The following SLIT3 variants were observed in gnomAD, a reference collection of about 807,000 sequenced individuals.
SLIT3 encodes the protein slit guidance ligand 3.
SLIT3 carries 68 observed loss-of-function variants against 184.0 expected under a neutral mutation model. The observed-to-expected ratio is 0.37, with a 90% confidence interval of 0.30 to 0.45. The LOEUF is 0.45. SLIT3 is among the 20% of genes least tolerant of loss of function. SLIT3 has a pLI of 1.00. For missense variants in SLIT3, 1,707 were observed against 2,026.0 expected (o/e 0.84, Z 3.02); for synonymous variants, 831 against 828.6 (o/e 1.00, Z -0.05).
intron 4 of SLIT3, among the ~76,000 whole-genome samples, chr5:169,179,246 T>C (rs1399274342): frequency 2.0e-5 from 3 of 150,938 alleles, no homozygotes; most frequent in Admixed American, 6.6e-5. Flanking sequence ...AGGTCAATGT[T>C]CAATAAATTA....
At chr5:168,686,854 TCA>T in intron 30 of SLIT3, 123 bp downstream of exon 30, 2 of 1,087,338 alleles carry the variant, frequency 1.8e-6, no homozygotes, top group Non-Finnish European at 1.4e-6. Flanking sequence ...AATAAAGGCA[TCA>T]CCCAGAACCG....
intron 32 of SLIT3, among the ~76,000 whole-genome samples, 155 bp downstream of exon 32, chr5:168,683,811 G>A (rs939020767): frequency 2.0e-5 from 3 of 152,090 alleles, no homozygotes; most frequent in African/African-American, 7.2e-5. Context: ...CTCACCACTC[G>A]GTGAGGAGGA....
chr5:168,931,096 G>T (rs1458158565), intron 4 of SLIT3, among the ~76,000 whole-genome samples: 1 of 152,130 alleles, frequency 6.6e-6, no homozygotes. Flanking sequence ...AAACTCGGGG[G>T]ACTCTCTCTA....
chr5:168,695,596 G>C (rs979440845), intron 28 of SLIT3, among the ~76,000 whole-genome samples: 13 of 152,186 alleles, frequency 8.5e-5, no homozygotes, highest in African/African-American at 2.9e-4. Flanking sequence ...ACCAAAATTG[G>C]TAGCATTTTG....
chr5:169,075,766 G>T (rs1758714396), intron 4 of SLIT3, among the ~76,000 whole-genome samples: 1 of 152,172 alleles, frequency 6.6e-6, no homozygotes, highest in African/African-American at 2.4e-5. Context: ...ACATGATCTG[G>T]CTCTTCTGTG....
At chr5:168,878,304 C>A (rs1759813751) in intron 5 of SLIT3, among the ~76,000 whole-genome samples, 1 of 152,194 alleles carries the variant, frequency 6.6e-6, no homozygotes, top group Non-Finnish European at 1.5e-5. Context: ...AAGCAGGAAG[C>A]AATTAGGGAC....
intron 16 of SLIT3, among the ~76,000 whole-genome samples, chr5:168,755,051 T>C (rs1181442194): frequency 6.6e-6 from 1 of 152,216 alleles, no homozygotes; most frequent in African/African-American, 2.4e-5. Flanking sequence ...GTTGACCACT[T>C]CTTATGTGCT....
At chr5:169,231,911 T>C (rs1020688206) in intron 3 of SLIT3, among the ~76,000 whole-genome samples, 2 of 152,232 alleles carry the variant, frequency 1.3e-5, no homozygotes, top group African/African-American at 4.8e-5. Flanking sequence ...TAAAGACTAA[T>C]GACACACTAA....
rs537091302 is a variant in SLIT3 at position 169,029,724 on chromosome 5, A to G, written c.414-146388T>C. Among the ~76,000 whole-genome samples, 10 of 152,338 alleles carry G rather than the reference A, an allele frequency of 6.6e-5. No individual in the cohort carries two copies. In the South Asian group the frequency reaches 2.1e-3, roughly 32 times the overall value. ...AATTTCAAGGCCTTTCATCTCAGTT[A>G]CAATGACACATTCATTTTAGCATTG... On this transcript the variant is annotated intron_variant, in intron 4 of 35. Transcript: ENST00000519560.
At chr5:168,718,729 C>T (rs958400555) in intron 23 of SLIT3, among the ~76,000 whole-genome samples, 1 of 130,652 alleles carries the variant, frequency 7.7e-6, no homozygotes, top group African/African-American at 3.1e-5. Context: ...CACACACACA[C>T]ATTCTCTCTC....
intron 6 of SLIT3, among the ~76,000 whole-genome samples, chr5:168,832,001 T>C (rs901597317): frequency 6.6e-6 from 1 of 152,208 alleles, no homozygotes; most frequent in African/African-American, 2.4e-5. Flanking sequence ...TGGGGGTCCC[T>C]TGACTCCGAA....
In SLIT3 at chr5:168,795,517, G is replaced by A. The variant is rs372687466; in HGVS notation, c.997C>T (p.Leu333=). 5 of 1,613,200 alleles carry A rather than the reference G, an allele frequency of 3.1e-6. No individual in the cohort carries two copies. In the African/African-American group the frequency reaches 6.7e-5, roughly 22 times the overall value. Residue 333 remains leucine, a synonymous_variant, in exon 10 of 36, where the codon CTG becomes TTG. Coordinates refer to ENST00000519560, the MANE Select transcript of SLIT3 (RefSeq NM_003062.4). The stretch of plus-strand genomic sequence containing the variant: ...ACAGGGGAAACTCACATTCGCTTCA[G>A]TTTCTTGTACTGGGTGAAGGCTCCT... ...PAGAFTQYKK[L]KRIDISKNQI... is the part of the protein sequence containing the mutation.
chr5:169,040,428 G>T (rs112685776), intron 4 of SLIT3, among the ~76,000 whole-genome samples: 3 of 152,200 alleles, frequency 2.0e-5, no homozygotes, highest in African/African-American at 7.2e-5. Context: ...CTGGAAAGAA[G>T]AGCCCTTGCT....
At chr5:168,837,370 AAT>A (rs1758088192) in intron 6 of SLIT3, among the ~76,000 whole-genome samples, 1 of 152,152 alleles carries the variant, frequency 6.6e-6, no homozygotes, top group African/African-American at 2.4e-5. Context: ...AATAAATAAA[AAT>A]GAGTCTAGTC....
At chr5:169,290,886 A>G (rs1767342932) in intron 1 of SLIT3, among the ~76,000 whole-genome samples, 1 of 152,000 alleles carries the variant, frequency 6.6e-6, no homozygotes, top group Admixed American at 6.5e-5. Flanking sequence ...ACTAGGGAAT[A>G]CACTAGGGCA....
chr5:169,171,044 C>A (rs756825108), intron 4 of SLIT3, among the ~76,000 whole-genome samples: 1 of 152,120 alleles, frequency 6.6e-6, no homozygotes, highest in Non-Finnish European at 1.5e-5. Flanking sequence ...TAAAACAATG[C>A]CAAAGACATC....
At chr5:168,754,073 T>C (rs2113475735) in intron 16 of SLIT3, 66 bp from the exon 17 acceptor site, 2 of 1,486,326 alleles carry the variant, frequency 1.3e-6, no homozygotes, top group Middle Eastern at 3.6e-4. Context: ...CGGGAGGGGA[T>C]GACTTGCCCT....
chr5:168,876,577 C>A (rs565309891), intron 5 of SLIT3, among the ~76,000 whole-genome samples: 1 of 152,214 alleles, frequency 6.6e-6, no homozygotes, highest in Non-Finnish European at 1.5e-5. Flanking sequence ...GCTGTTCCTT[C>A]TTCCTGCAAT....
At chr5:168,917,614 A>G (rs1324841879) in intron 4 of SLIT3, among the ~76,000 whole-genome samples, 1 of 152,186 alleles carries the variant, frequency 6.6e-6, no homozygotes, top group Non-Finnish European at 1.5e-5. Context: ...GTTCCCTGTC[A>G]GCCTTCTCTC....
Sources: gnomAD v4.1 joint callset for allele counts (sites outside exome capture counted in the v4.1 genomes callset) on GRCh38, gnomAD v4.1.1 for gene constraint, MANE v1.5 for transcripts, NCBI Gene and HGNC (gene_info 2026-07-23, HGNC 2026-07-21) for gene names.